Variants in ENOX1 observed in about 807,000 individuals in gnomAD.
The protein encoded by ENOX1 is ecto-NOX disulfide-thiol exchanger 1, also known as candidate growth-related and time keeping constitutive hydroquinone (NADH) oxidase.
Under a neutral mutation model 82.5 loss-of-function variants are expected in ENOX1, and 42 were observed. The ratio of observed to expected loss-of-function variants is 0.51; its 90% CI spans 0.40 to 0.66. The LOEUF (loss-of-function observed/expected upper bound fraction) is 0.66, where lower values mean the gene tolerates loss of function less well. Among genes scored for constraint, ENOX1 ranks in the 30% least tolerant of loss-of-function variants. ENOX1 has a pLI of 0.00. For missense variants in ENOX1, 608 were observed against 811.6 expected, an observed-to-expected ratio of 0.75 and a Z score of 3.05; for synonymous variants, 271 against 282.2, an observed-to-expected ratio of 0.96 and a Z score of 0.40.
At position 43,348,599 on chromosome 13, in the gene ENOX1, G is replaced by A. The variant is rs574454018; in HGVS notation, c.824-3849C>T. ...TCTGAATAGCATAATGAAATGTCAC[G>A]CTGTCTCACTCTGACCTGACCGGGA... On this transcript the variant is annotated intron_variant, in intron 8 of 16. Transcript: ENST00000690772. Among the ~76,000 whole-genome samples the A allele has an allele frequency of 1.5e-4, 23 of 152,258 alleles. No individual in the cohort carries two copies. In the South Asian group the frequency reaches 2.1e-3, roughly 14 times the overall value.
chr13:43,231,004 A>G lies in ENOX1; in HGVS notation c.1714+5632T>C, dbSNP rs946354189. On this transcript the variant is annotated intron_variant, in intron 15 of 16. Coordinates refer to ENST00000690772, the MANE Select transcript of ENOX1 (RefSeq NM_001347969.2). The stretch of plus-strand genomic sequence containing the variant: ...GTCAGGTTCTAAAGTTCTGGCTGAG[A>G]TTTGCTTTCTCTACACCTACACTGG... Among the ~76,000 whole-genome samples, 3 of 152,078 alleles carry G rather than the reference A, an allele frequency of 2.0e-5. No homozygotes were observed. In the South Asian group the frequency reaches 6.2e-4, roughly 32 times the overall value.
Position 43,646,939 on chromosome 13 carries a change from G to C in ENOX1, c.-219+20540C>G, listed in dbSNP as rs545624460. Among the ~76,000 whole-genome samples, 81 of 152,330 alleles carry C rather than the reference G, an allele frequency of 5.3e-4. 1 individual carries two copies. The South Asian group carries it at 0.017, about 31-fold the overall frequency. On this transcript the variant is annotated intron_variant, in intron 2 of 16. Coordinates refer to ENST00000690772, the MANE Select transcript of ENOX1 (RefSeq NM_001347969.2). ...TCTCTTCACAGAGGCTCAATGAATTGAAGTGGCTTGATCCAGGCCCAGATC... is the reference window on the plus strand; with the variant it reads ...TCTCTTCACAGAGGCTCAATGAATTCAAGTGGCTTGATCCAGGCCCAGATC...
chr13:43,475,249 T>C (rs1042248416), intron 3 of ENOX1, among the ~76,000 whole-genome samples: 10 of 152,158 alleles, frequency 6.6e-5, no homozygotes, highest in Non-Finnish European at 1.2e-4. Context: ...AAAACATATG[T>C]GAGCTAAAAG....
At chr13:43,594,016 G>A (rs1457727631) in intron 2 of ENOX1, among the ~76,000 whole-genome samples, 1 of 152,020 alleles carries the variant, frequency 6.6e-6, no homozygotes, top group African/African-American at 2.4e-5. Context: ...GCCCAACAAC[G>A]CCAGGCCCCA....
chr13:43,418,090 T>C (rs1396200045), intron 3 of ENOX1, among the ~76,000 whole-genome samples: 1 of 152,048 alleles, frequency 6.6e-6, no homozygotes, highest in Non-Finnish European at 1.5e-5. Context: ...ATGCCTGTAG[T>C]CCCAGCTACT....
intron 2 of ENOX1, among the ~76,000 whole-genome samples, chr13:43,618,977 A>ATTTTTT (rs56048836): frequency 7.7e-5 from 9 of 116,962 alleles, no homozygotes; most frequent in African/African-American, 2.3e-4. Flanking sequence ...ATAGTCCTAA[A>ATTTTTT]TTTTTTTTTT....
intron 6 of ENOX1, among the ~76,000 whole-genome samples, chr13:43,360,388 T>C (rs147105559): frequency 6.6e-6 from 1 of 152,268 alleles, no homozygotes; most frequent in African/African-American, 2.4e-5. Context: ...GTACAAAACA[T>C]GACGAAATGA....
Position 43,236,622 on chromosome 13 carries a change from C to G in ENOX1, c.1714+14G>C. ...TATTTAAGAGAACAGATGAAGAAAACAGAATTTCCTTACCTATTAGCAGAG... is the reference window on the plus strand; with the variant it reads ...TATTTAAGAGAACAGATGAAGAAAAGAGAATTTCCTTACCTATTAGCAGAG... On this transcript the variant is annotated intron_variant, in intron 15 of 16. Transcript: ENST00000690772. The G allele has an allele frequency of 6.7e-7, 1 of 1,490,274 alleles. No individual in the cohort carries two copies. 92.3% of individuals were successfully genotyped at this position (1,490,274 alleles called of 1,614,324 possible). A position where few individuals can be genotyped will look rare whatever the true frequency, so the allele number is the denominator to read the frequency against.
At chr13:43,388,860 T>C (rs2052595000) in intron 5 of ENOX1, among the ~76,000 whole-genome samples, 1 of 151,870 alleles carries the variant, frequency 6.6e-6, no homozygotes, top group South Asian at 2.1e-4. Context: ...TTCAATCTTA[T>C]CCAACTGTGA....
At chr13:43,276,279 G>C (rs1157952118) in intron 12 of ENOX1, among the ~76,000 whole-genome samples, 1 of 152,046 alleles carries the variant, frequency 6.6e-6, no homozygotes, top group African/African-American at 2.4e-5. Context: ...TTTGCTCTAC[G>C]TGGCAATACC....
At chr13:43,526,365 A>G (rs1351845203) in intron 2 of ENOX1, among the ~76,000 whole-genome samples, 2 of 152,110 alleles carry the variant, frequency 1.3e-5, no homozygotes, top group African/African-American at 4.8e-5. Context: ...TTTGTTTCGT[A>G]CCCATTATTT....
chr13:43,296,210 C>G (rs2046277970), intron 12 of ENOX1, among the ~76,000 whole-genome samples: 1 of 152,172 alleles, frequency 6.6e-6, no homozygotes, highest in Non-Finnish European at 1.5e-5. Context: ...CAGAATGTGA[C>G]CTTATCTGGA....
intron 8 of ENOX1, among the ~76,000 whole-genome samples, chr13:43,346,066 G>A (rs2049360835): frequency 6.6e-6 from 1 of 152,172 alleles, no homozygotes. Context: ...GTTCTTATTA[G>A]TATTTTACAC....
chr13:43,375,103 AT>A (rs1331733194), intron 5 of ENOX1, among the ~76,000 whole-genome samples: 10 of 152,120 alleles, frequency 6.6e-5, no homozygotes, highest in Admixed American at 1.3e-4. Flanking sequence ...TATAGTCAGC[AT>A]TTTTTCCTAT....
intron 12 of ENOX1, among the ~76,000 whole-genome samples, chr13:43,277,035 C>T (rs2045080249): frequency 6.6e-6 from 1 of 152,144 alleles, no homozygotes; most frequent in Non-Finnish European, 1.5e-5. Context: ...GCATGGTGAC[C>T]CCTGGGGGAG....
chr13:43,393,837 G>T (rs1369848363), intron 5 of ENOX1, among the ~76,000 whole-genome samples: 1 of 152,232 alleles, frequency 6.6e-6, no homozygotes, highest in Non-Finnish European at 1.5e-5. Flanking sequence ...GATCTCCAGT[G>T]TTGGAGGTGG....
At chr13:43,366,642 T>C (rs932217029) in intron 5 of ENOX1, among the ~76,000 whole-genome samples, 2 of 152,102 alleles carry the variant, frequency 1.3e-5, no homozygotes, top group African/African-American at 4.8e-5. Context: ...ACATGAATAC[T>C]AGATAGACAT....
chr13:43,385,619 A>C (rs902038782), intron 5 of ENOX1, among the ~76,000 whole-genome samples: 88 of 152,214 alleles, frequency 5.8e-4, no homozygotes, highest in African/African-American at 2.1e-3. Flanking sequence ...TAGCATTCAA[A>C]AGGTATTTAT....
intron 2 of ENOX1, among the ~76,000 whole-genome samples, chr13:43,627,660 G>A (rs1406887795): frequency 1.3e-5 from 2 of 152,020 alleles, no homozygotes; most frequent in Admixed American, 6.6e-5. Context: ...AAAGGAGAAG[G>A]AAAGCTTAAT....
Sources: allele counts gnomAD v4.1 joint callset (sites outside exome capture counted in the v4.1 genomes callset), GRCh38; gene constraint gnomAD v4.1.1; transcripts MANE v1.5; gene names NCBI Gene and HGNC (gene_info 2026-07-23, HGNC 2026-07-21).